The following CWC27 variants were observed in gnomAD, a reference collection of about 807,000 sequenced individuals.
CWC27 encodes the protein spliceosome-associated protein CWC27 homolog.
CWC27 carries 47 observed loss-of-function variants against 63.6 expected under a neutral mutation model. That is an observed-to-expected ratio of 0.74 (90% confidence interval 0.58 to 0.94). The LOEUF (loss-of-function observed/expected upper bound fraction) is 0.94, where lower values mean the gene tolerates loss of function less well. CWC27 is among the 40% of genes least tolerant of loss of function. The probability of loss-of-function intolerance (pLI) is 0.00; values close to 1 mark genes in which losing one functional copy is unlikely to be tolerated. For synonymous variants in CWC27, 175 were observed against 179.8 expected, an observed-to-expected ratio of 0.97 and a Z score of 0.22; for missense variants, 495 against 554.3, an observed-to-expected ratio of 0.89 and a Z score of 1.07.
intron 2 of CWC27, among the ~76,000 whole-genome samples, chr5:64,780,704 C>CAG (rs1197655464): frequency 1.3e-5 from 2 of 150,720 alleles, no homozygotes; most frequent in Non-Finnish European, 3.0e-5. Context: ...CGCGCGCACA[C>CAG]ACACACACAC....
chr5:64,999,933 T>C (rs1749702402), intron 13 of CWC27, among the ~76,000 whole-genome samples: 1 of 152,042 alleles, frequency 6.6e-6, no homozygotes, highest in East Asian at 1.9e-4. Context: ...ATGGTGGCTA[T>C]ACTAATTTAC....
intron 13 of CWC27, among the ~76,000 whole-genome samples, chr5:64,981,108 A>T (rs1406340305): frequency 6.6e-6 from 1 of 152,120 alleles, no homozygotes; most frequent in African/African-American, 2.4e-5. Flanking sequence ...AAACAAAAAA[A>T]TGTTCACTGT....
chr5:64,804,565 G>A, intron 10 of CWC27, 179 bp downstream of exon 10: 1 of 547,958 alleles, frequency 1.8e-6, no homozygotes, highest in Non-Finnish European at 3.1e-6. Flanking sequence ...CAAGCTTAAA[G>A]TAAACATAAC....
intron 11 of CWC27, among the ~76,000 whole-genome samples, chr5:64,950,083 AAAT>A (rs1748675230): frequency 6.6e-6 from 1 of 152,050 alleles, no homozygotes; most frequent in African/African-American, 2.4e-5. Context: ...TTACATAGTG[AAAT>A]AATATCTTTA....
At chr5:64,894,259 C>T (rs1172102278) in intron 11 of CWC27, among the ~76,000 whole-genome samples, 1 of 152,044 alleles carries the variant, frequency 6.6e-6, no homozygotes, top group Non-Finnish European at 1.5e-5. Context: ...AAACCTAGAG[C>T]TTGCCAGTTA....
intron 10 of CWC27, among the ~76,000 whole-genome samples, chr5:64,879,141 A>T (rs761576762): frequency 6.6e-6 from 1 of 152,020 alleles, no homozygotes; most frequent in Non-Finnish European, 1.5e-5. Flanking sequence ...AGCGAGTGAT[A>T]ACTAGAAGGT....
chr5:64,992,571 G>A (rs751829004), intron 13 of CWC27, among the ~76,000 whole-genome samples: 5 of 149,594 alleles, frequency 3.3e-5, no homozygotes, highest in Admixed American at 3.3e-4. Context: ...TCGCTCTGTT[G>A]CCCAGGCTGC....
Position 64,783,792 on chromosome 5 carries a change from G to T in CWC27, c.253-44G>T, listed in dbSNP as rs1039481329. Reference sequence around the variant, plus strand: ...TCAAGTTGAATAACTGCATATGAAGGGTCTTATAACTGAGGACATTCACTA... The same window carrying T: ...TCAAGTTGAATAACTGCATATGAAGTGTCTTATAACTGAGGACATTCACTA... On this transcript the variant is annotated intron_variant, in intron 3 of 13. Transcript: ENST00000381070. 3 of 1,444,630 alleles carry T rather than the reference G, an allele frequency of 2.1e-6. No homozygotes were observed. In the Admixed American group the frequency reaches 7.7e-5, roughly 37 times the overall value. 89.5% of individuals were successfully genotyped at this position (1,444,630 alleles called of 1,614,324 possible).
Position 64,854,096 on chromosome 5 carries a change from C to T in CWC27, c.939-31347C>T, listed in dbSNP as rs535318669. 7.9e-5 allele frequency among the ~76,000 whole-genome samples: 12 copies of T among 152,238 alleles called. No homozygotes were observed. In the South Asian group the frequency reaches 2.1e-3, roughly 26 times the overall value. On this transcript the variant is annotated intron_variant, in intron 10 of 13. Coordinates refer to ENST00000381070, the MANE Select transcript of CWC27 (RefSeq NM_005869.4). The stretch of plus-strand genomic sequence containing the variant: ...TCTGTGACTGGCTTATTTTACTTAG[C>T]GTAATCTTCTCAAAGTTTATGCAGG...
rs150850899 is a variant in CWC27, at chr5:64,900,654, G to A, written c.1042+15108G>A. Among the ~76,000 whole-genome samples, 6 of 151,150 alleles carry A rather than the reference G, an allele frequency of 4.0e-5. No homozygotes were observed. In the East Asian group the frequency reaches 1.2e-3, roughly 29 times the overall value. ...ACTCAAACTCAAAAAGATCTTCTAT[G>A]TGTTTTTTTTTTAGAAATTTTGTAG... On this transcript the variant is annotated intron_variant, in intron 11 of 13. Coordinates refer to ENST00000381070, the MANE Select transcript of CWC27 (RefSeq NM_005869.4).
intron 13 of CWC27, among the ~76,000 whole-genome samples, chr5:65,007,183 A>G (rs541617620): frequency 6.6e-5 from 10 of 152,266 alleles, no homozygotes; most frequent in South Asian, 2.1e-4. Flanking sequence ...CTTTCTCCCA[A>G]TAACCCATAA....
chr5:64,898,462 A>C (rs1747430150), intron 11 of CWC27, among the ~76,000 whole-genome samples: 1 of 152,180 alleles, frequency 6.6e-6, no homozygotes, highest in African/African-American at 2.4e-5. Flanking sequence ...TAACTTCTTA[A>C]AACTTGCACA....
intron 10 of CWC27, among the ~76,000 whole-genome samples, chr5:64,829,122 A>C (rs1745445457): frequency 6.6e-6 from 1 of 152,186 alleles, no homozygotes; most frequent in African/African-American, 2.4e-5. Context: ...TTAGATTGCT[A>C]ATGTCATTTC....
At chr5:64,970,325 G>A (rs1292503266) in intron 11 of CWC27, among the ~76,000 whole-genome samples, 1 of 150,726 alleles carries the variant, frequency 6.6e-6, no homozygotes, top group Non-Finnish European at 1.5e-5. Context: ...CCATTCTCCT[G>A]CCTCAGCCTC....
chr5:64,933,211 C>G (rs529640955), intron 11 of CWC27, among the ~76,000 whole-genome samples: 2 of 152,278 alleles, frequency 1.3e-5, no homozygotes, highest in Admixed American at 1.3e-4. Flanking sequence ...TCTAGTTGAT[C>G]TGTAGGAGCT....
intron 10 of CWC27, among the ~76,000 whole-genome samples, chr5:64,853,197 T>C (rs1210885492): frequency 2.0e-5 from 3 of 152,214 alleles, no homozygotes; most frequent in African/African-American, 7.2e-5. Context: ...ATGGAATAAA[T>C]CTGTGATATC....
intron 12 of CWC27, among the ~76,000 whole-genome samples, chr5:64,972,907 G>T (rs1749152454): frequency 6.6e-6 from 1 of 152,322 alleles, no homozygotes; most frequent in African/African-American, 2.4e-5. Context: ...GTGAAAGGGG[G>T]TGAGCATTAT....
intron 10 of CWC27, among the ~76,000 whole-genome samples, chr5:64,829,611 G>A (rs192243965): frequency 1.7e-3 from 256 of 150,266 alleles, no homozygotes; most frequent in Non-Finnish European, 1.7e-3. Flanking sequence ...ACTTCCTGAG[G>A]AAGGAAAATC....
At chr5:64,823,839 A>G (rs560784479) in intron 10 of CWC27, among the ~76,000 whole-genome samples, 2 of 152,312 alleles carry the variant, frequency 1.3e-5, no homozygotes, top group South Asian at 4.2e-4. Context: ...AGTGAAAGGA[A>G]TGGTCTCTTT....
Sources: allele counts gnomAD v4.1 joint callset (sites outside exome capture counted in the v4.1 genomes callset), GRCh38; gene constraint gnomAD v4.1.1; transcripts MANE v1.5; gene names NCBI Gene and HGNC (gene_info 2026-07-23, HGNC 2026-07-21).